The following INPP4B variants were observed in gnomAD, a reference collection of about 807,000 sequenced individuals.
INPP4B encodes inositol polyphosphate 4-phosphatase type II.
A neutral mutation model predicts 122.5 loss-of-function variants in INPP4B; 55 were observed. The ratio of observed to expected loss-of-function variants is 0.45; its 90% confidence interval spans 0.36 to 0.56. The LOEUF (loss-of-function observed/expected upper bound fraction) is 0.56, where lower values mean the gene tolerates loss of function less well. Among genes scored for constraint, INPP4B ranks in the 20% least tolerant of loss-of-function variants. The pLI, the probability that INPP4B is intolerant of heterozygous loss-of-function variation, is 0.00. For missense variants in INPP4B, 1,000 were observed against 1,097.7 expected, an observed-to-expected ratio of 0.91 and a Z score of 1.26; for synonymous variants, 403 against 388.7, an observed-to-expected ratio of 1.04 and a Z score of -0.43.
intron 23 of INPP4B, among the ~76,000 whole-genome samples, chr4:142,096,805 A>G (rs1410922405): frequency 4.6e-5 from 7 of 152,184 alleles, no homozygotes. Flanking sequence ...TTAAAAATCT[A>G]CAATCTTCAG....
chr4:142,119,459 T>C (rs189076092), intron 21 of INPP4B, among the ~76,000 whole-genome samples: 2 of 152,172 alleles, frequency 1.3e-5, no homozygotes, highest in South Asian at 2.1e-4. Flanking sequence ...TGGAATACTA[T>C]GCAGCCATAA....
chr4:142,297,086 A>G (rs1234986593), intron 9 of INPP4B, among the ~76,000 whole-genome samples: 1 of 152,190 alleles, frequency 6.6e-6, no homozygotes, highest in Non-Finnish European at 1.5e-5. Flanking sequence ...TTTGTGTTAC[A>G]CTTATGAATT....
At chr4:142,592,557 G>A (rs1396926679) in intron 2 of INPP4B, among the ~76,000 whole-genome samples, 1 of 152,166 alleles carries the variant, frequency 6.6e-6, no homozygotes, top group Non-Finnish European at 1.5e-5. Context: ...TTAAGTAAAT[G>A]AGTGTATATT....
At chr4:142,773,070 A>G (rs971412468) in intron 1 of INPP4B, among the ~76,000 whole-genome samples, 4 of 152,176 alleles carry the variant, frequency 2.6e-5, no homozygotes, top group Non-Finnish European at 5.9e-5. Flanking sequence ...TTAAAAAAAT[A>G]AATAAAGACA....
chr4:142,332,903 T>C (rs1157140153), intron 7 of INPP4B, among the ~76,000 whole-genome samples: 2 of 136,150 alleles, frequency 1.5e-5, no homozygotes, highest in Non-Finnish European at 3.1e-5. Context: ...CCCAGCTACG[T>C]GGGAGGCTGA....
chr4:142,393,299 A>G (rs1043466787), intron 7 of INPP4B, among the ~76,000 whole-genome samples: 6 of 152,232 alleles, frequency 3.9e-5, no homozygotes, highest in African/African-American at 1.2e-4. Flanking sequence ...CTAGGACCCA[A>G]CAGACCAAAC....
intron 1 of INPP4B, among the ~76,000 whole-genome samples, chr4:142,778,346 C>T (rs1016944021): frequency 1.3e-5 from 2 of 152,148 alleles, no homozygotes; most frequent in Admixed American, 1.3e-4. Context: ...GAATTTTAAT[C>T]ATCCAAGAAC....
intron 25 of INPP4B, among the ~76,000 whole-genome samples, chr4:142,073,854 G>C (rs1768963941): frequency 6.6e-6 from 1 of 152,138 alleles, no homozygotes; most frequent in East Asian, 1.9e-4. Context: ...GCCTTCTTTA[G>C]TGAAAATGAG....
intron 7 of INPP4B, among the ~76,000 whole-genome samples, chr4:142,336,509 C>T (rs1164334915): frequency 2.6e-5 from 4 of 152,202 alleles, no homozygotes; most frequent in East Asian, 1.9e-4. Context: ...CAGGAACAAA[C>T]GTGAGCTGTA....
In INPP4B at chr4:142,025,945, G is replaced by A. The variant is rs551910538; in HGVS notation, c.*2837C>T. On this transcript the variant is annotated 3_prime_UTR_variant, in exon 26 of 26. Transcript: ENST00000262992. ...ATTTAAAAGCAAAAAGCAATGATAT[G>A]AGATGTAAATGAATGGTTTCCTTGT... 1 of 152,294 alleles carries A rather than the reference G, an allele frequency of 6.6e-6. No homozygotes were observed. Among genetic ancestry groups the A allele is most frequent in the South Asian group, 2.1e-4 (1 of 4,820 alleles). 9.4% of individuals were successfully genotyped at this position (152,294 alleles called of 1,614,324 possible).
chr4:142,483,481 A>C (rs1820834571), intron 2 of INPP4B, among the ~76,000 whole-genome samples: 1 of 152,044 alleles, frequency 6.6e-6, no homozygotes, highest in Non-Finnish European at 1.5e-5. Context: ...ATTCAGTTTC[A>C]GGTTTTCATT....
intron 25 of INPP4B, among the ~76,000 whole-genome samples, chr4:142,062,817 C>T (rs2152444541): frequency 6.6e-6 from 1 of 151,806 alleles, no homozygotes; most frequent in African/African-American, 2.4e-5. Flanking sequence ...GAATATACTC[C>T]TTAACATAAG....
intron 2 of INPP4B, among the ~76,000 whole-genome samples, chr4:142,532,064 T>G (rs540231079): frequency 6.6e-6 from 1 of 152,322 alleles, no homozygotes; most frequent in East Asian, 1.9e-4. Flanking sequence ...CAAATTGATT[T>G]CTGCATTCAC....
At chr4:142,631,359 C>G (rs1438253201) in intron 2 of INPP4B, among the ~76,000 whole-genome samples, 1 of 151,844 alleles carries the variant, frequency 6.6e-6, no homozygotes, top group Non-Finnish European at 1.5e-5. Context: ...ATTTGGTAAC[C>G]CTGAAAATGA....
chr4:142,418,356 T>C (rs535677483), intron 5 of INPP4B, among the ~76,000 whole-genome samples: 2 of 152,154 alleles, frequency 1.3e-5, no homozygotes, highest in Non-Finnish European at 2.9e-5. Flanking sequence ...AGCAATGGAA[T>C]TCATGCATAT....
chr4:142,115,654 C>T (rs1578955260), intron 21 of INPP4B, among the ~76,000 whole-genome samples: 1 of 152,082 alleles, frequency 6.6e-6, no homozygotes, highest in Non-Finnish European at 1.5e-5. Context: ...AAGAGCTCCT[C>T]AAGGAAGCGC....
chr4:142,493,994 G>A (rs997187897), intron 2 of INPP4B, among the ~76,000 whole-genome samples: 1 of 152,126 alleles, frequency 6.6e-6, no homozygotes, highest in African/African-American at 2.4e-5. Flanking sequence ...TTACTTCCAT[G>A]CTGTTCTTGG....
At chr4:142,612,511 C>A (rs1409806986) in intron 2 of INPP4B, among the ~76,000 whole-genome samples, 1 of 152,094 alleles carries the variant, frequency 6.6e-6, no homozygotes, top group Admixed American at 6.6e-5. Flanking sequence ...CCAAGAAGTC[C>A]AAGTTCAAGG....
chr4:142,561,169 T>C (rs1560801810), intron 2 of INPP4B, among the ~76,000 whole-genome samples: 1 of 152,322 alleles, frequency 6.6e-6, no homozygotes, highest in East Asian at 1.9e-4. Context: ...AATTTTTTTA[T>C]TCAATGTGGT....
Sources: gnomAD v4.1 joint callset for allele counts (sites outside exome capture counted in the v4.1 genomes callset) on GRCh38, gnomAD v4.1.1 for gene constraint, MANE v1.5 for transcripts, NCBI Gene and HGNC (gene_info 2026-07-23, HGNC 2026-07-21) for gene names.